The following DENND1B variants were observed in gnomAD, a reference collection of about 807,000 sequenced individuals.
DENND1B encodes DENN domain containing 1B.
Under a neutral mutation model 90.1 loss-of-function variants are expected in DENND1B, and 59 were observed. That is an observed-to-expected ratio of 0.65 (90% CI 0.53 to 0.81). The LOEUF is 0.81. DENND1B is among the 40% of genes least tolerant of loss of function. The pLI is 0.00. For missense variants in DENND1B, 862 were observed against 912.6 expected (o/e 0.94, Z 0.71); for synonymous variants, 337 against 324.6 (o/e 1.04, Z -0.41).
At chr1:197,741,497 C>T (rs1009463683) in intron 2 of DENND1B, among the ~76,000 whole-genome samples, 1 of 152,152 alleles carries the variant, frequency 6.6e-6, no homozygotes, top group Non-Finnish European at 1.5e-5. Context: ...AATGTCAATA[C>T]ACAATCTTTA....
chr1:197,597,556 A>G (rs563989827), intron 13 of DENND1B, among the ~76,000 whole-genome samples: 2 of 151,968 alleles, frequency 1.3e-5, no homozygotes, highest in Non-Finnish European at 2.9e-5. Context: ...TCTCTGGACA[A>G]TCACAACACA....
intron 7 of DENND1B, among the ~76,000 whole-genome samples, chr1:197,651,195 A>G (rs1410600922): frequency 6.6e-6 from 1 of 151,994 alleles, no homozygotes; most frequent in Non-Finnish European, 1.5e-5. Flanking sequence ...GGAAAAGTTT[A>G]TTATTTTAGA....
chr1:197,755,304 T>C (rs929906638), intron 2 of DENND1B, among the ~76,000 whole-genome samples: 5 of 152,122 alleles, frequency 3.3e-5, no homozygotes, highest in Admixed American at 6.6e-5. Context: ...AAGATAGGTA[T>C]GAGAATCAAA....
At chr1:197,626,176 T>C (rs1678694794) in intron 10 of DENND1B, among the ~76,000 whole-genome samples, 2 of 152,076 alleles carry the variant, frequency 1.3e-5, no homozygotes, top group South Asian at 4.2e-4. Flanking sequence ...GCAGACCTAA[T>C]AGACATCTAC....
intron 3 of DENND1B, among the ~76,000 whole-genome samples, chr1:197,707,237 T>C (rs1357543752): frequency 6.6e-6 from 1 of 151,996 alleles, no homozygotes; most frequent in Non-Finnish European, 1.5e-5. Flanking sequence ...AGTAGAATAG[T>C]GGTTACTAGA....
At chr1:197,742,688 G>C (rs941759450) in intron 2 of DENND1B, among the ~76,000 whole-genome samples, 9 of 152,178 alleles carry the variant, frequency 5.9e-5, no homozygotes, top group African/African-American at 2.2e-4. Flanking sequence ...TTTCAGAACT[G>C]TAGCACACAA....
chr1:197,546,923 A>C, intron 16 of DENND1B, 150 bp from the exon 17 acceptor site: 1 of 633,606 alleles, frequency 1.6e-6, no homozygotes, highest in Non-Finnish European at 2.7e-6. Context: ...TCCAGCGATC[A>C]ACATATCTGG....
intron 10 of DENND1B, among the ~76,000 whole-genome samples, chr1:197,631,474 C>T (rs1679320726): frequency 6.6e-6 from 1 of 151,912 alleles, no homozygotes; most frequent in Admixed American, 6.6e-5. Context: ...GAACACATTA[C>T]TACCATATAT....
chr1:197,742,299 T>C (rs1249027830), intron 2 of DENND1B, among the ~76,000 whole-genome samples: 1 of 152,192 alleles, frequency 6.6e-6, no homozygotes, highest in Non-Finnish European at 1.5e-5. Flanking sequence ...GACAGAATTT[T>C]TATACTTTAG....
At chr1:197,770,837 AATATATATAAATAT>A (rs1463810456) in intron 2 of DENND1B, among the ~76,000 whole-genome samples, 4 of 96,978 alleles carry the variant, frequency 4.1e-5, no homozygotes, top group African/African-American at 9.8e-5. Flanking sequence ...TATATCTATA[AATATATATAAATAT>A]ATATCTATAA....
intron 5 of DENND1B, among the ~76,000 whole-genome samples, chr1:197,667,647 C>A (rs1396819255): frequency 1.3e-5 from 2 of 152,134 alleles, no homozygotes; most frequent in Non-Finnish European, 2.9e-5. Context: ...AATCCGCCCG[C>A]CTCGGCCTCC....
chr1:197,744,048 TA>T (rs1663467401), intron 2 of DENND1B, among the ~76,000 whole-genome samples: 1 of 152,222 alleles, frequency 6.6e-6, no homozygotes, highest in Non-Finnish European at 1.5e-5. Flanking sequence ...GATTTACTTC[TA>T]ATTCTAGCTC....
intron 14 of DENND1B, among the ~76,000 whole-genome samples, chr1:197,590,696 CTG>C (rs1263742380): frequency 2.0e-5 from 3 of 152,214 alleles, no homozygotes; most frequent in African/African-American, 7.2e-5. Flanking sequence ...TATTTAGTAT[CTG>C]TATAGGGATA....
chr1:197,597,422 T>A (rs867385149), intron 13 of DENND1B, among the ~76,000 whole-genome samples: 11 of 151,496 alleles, frequency 7.3e-5, no homozygotes, highest in African/African-American at 2.7e-4. Context: ...ATTTTTACTT[T>A]AGAAAATAAA....
chr1:197,654,646 G>A (rs8179438), intron 6 of DENND1B, among the ~76,000 whole-genome samples: 1 of 151,360 alleles, frequency 6.6e-6, no homozygotes, highest in African/African-American at 2.4e-5. Flanking sequence ...GGATTTCAGG[G>A]TTCAATCAAA....
intron 2 of DENND1B, among the ~76,000 whole-genome samples, chr1:197,764,005 T>G (rs1032439670): frequency 1.3e-5 from 2 of 152,264 alleles, no homozygotes; most frequent in Admixed American, 1.3e-4. Flanking sequence ...CTTCTTCTGA[T>G]GTCTGTTAAG....
intron 14 of DENND1B, among the ~76,000 whole-genome samples, chr1:197,589,430 A>C (rs1173031467): frequency 2.6e-5 from 4 of 152,172 alleles, no homozygotes; most frequent in Admixed American, 6.6e-5. Context: ...TCAAGTCAAC[A>C]GGTCTATCTG....
chr1:197,621,599 T>C (rs1678168245), intron 10 of DENND1B, among the ~76,000 whole-genome samples: 1 of 151,418 alleles, frequency 6.6e-6, no homozygotes, highest in Admixed American at 6.6e-5. Flanking sequence ...AAATATCATA[T>C]AGTCTTTCTT....
intron 3 of DENND1B, among the ~76,000 whole-genome samples, chr1:197,684,970 T>C (rs563230723): frequency 6.6e-6 from 1 of 151,924 alleles, no homozygotes; most frequent in Admixed American, 6.6e-5. Flanking sequence ...TACAAAAAAT[T>C]AGCTGGGTGT....
Sources: allele counts gnomAD v4.1 joint callset (sites outside exome capture counted in the v4.1 genomes callset), GRCh38; gene constraint gnomAD v4.1.1; transcripts MANE v1.5; gene names NCBI Gene and HGNC (gene_info 2026-07-23, HGNC 2026-07-21).